Variants in LEF1 observed in about 807,000 individuals in gnomAD.
LEF1 encodes lymphoid enhancer-binding factor 1.
A neutral mutation model predicts 51.2 loss-of-function variants in LEF1; 14 were observed. The observed-to-expected ratio is 0.27, with a 90% CI of 0.18 to 0.43. LEF1 has a LOEUF of 0.43. Ranked by LOEUF, LEF1 falls within the 20% of genes least tolerant of loss-of-function variation. The pLI is 1.00. For synonymous variants in LEF1, 185 were observed against 183.2 expected (o/e 1.01, Z -0.08); for missense variants, 386 against 512.0 (o/e 0.75, Z 2.37).
At chr4:108,090,567 A>G (rs1578330189) in intron 3 of LEF1, among the ~76,000 whole-genome samples, 1 of 152,252 alleles carries the variant, frequency 6.6e-6, no homozygotes, top group South Asian at 2.1e-4. Flanking sequence ...TTTATTTATT[A>G]TTTATTTTTT....
chr4:108,162,656 G>C (rs760567506), intron 3 of LEF1, among the ~76,000 whole-genome samples: 14 of 152,028 alleles, frequency 9.2e-5, no homozygotes, highest in Non-Finnish European at 1.9e-4. Flanking sequence ...CCTAATCCCC[G>C]AGACCCATAG....
intron 3 of LEF1, among the ~76,000 whole-genome samples, chr4:108,093,214 G>A (rs1354615747): frequency 2.6e-5 from 4 of 152,098 alleles, no homozygotes; most frequent in Non-Finnish European, 5.9e-5. Context: ...CTCCAGTAAC[G>A]CAGGGACACT....
intron 3 of LEF1, among the ~76,000 whole-genome samples, chr4:108,108,516 G>A (rs1252017271): frequency 6.6e-6 from 1 of 152,054 alleles, no homozygotes; most frequent in African/African-American, 2.4e-5. Flanking sequence ...CCTTCTGTAT[G>A]TATAAAATAA....
At chr4:108,067,248 A>G (rs933282825) in intron 9 of LEF1, among the ~76,000 whole-genome samples, 1 of 152,218 alleles carries the variant, frequency 6.6e-6, no homozygotes, top group Admixed American at 6.5e-5. Context: ...GATAAATCAC[A>G]TTACAGTAGC....
At chr4:108,049,808 T>C in intron 11 of LEF1, among the ~76,000 whole-genome samples, 1 of 152,238 alleles carries the variant, frequency 6.6e-6, no homozygotes, top group Non-Finnish European at 1.5e-5. Flanking sequence ...AAGGAAACTT[T>C]GACATAGTTT....
chr4:108,131,934 G>A (rs1666793203), intron 3 of LEF1, among the ~76,000 whole-genome samples: 1 of 152,154 alleles, frequency 6.6e-6, no homozygotes, highest in South Asian at 2.1e-4. Context: ...GCAACAAAAT[G>A]CACTGAAGCA....
chr4:108,168,401 G>A lies in LEF1; in HGVS notation c.-634C>T, dbSNP rs1265390635. 1 of 152,338 alleles carries A rather than the reference G, an allele frequency of 6.6e-6. No homozygotes were observed. The highest frequency in any genetic ancestry group is 1.5e-5 in the Non-Finnish European group (1 of 68,128). 9.4% of individuals were successfully genotyped at this position (152,338 alleles called of 1,614,324 possible). On this transcript the variant is annotated 5_prime_UTR_variant, in exon 1 of 12. Transcript: ENST00000265165. The surrounding 1 kb of genome is among the most constrained non-coding windows in gnomAD (Gnocchi z 4.6). ...AAAAGAAAAAGGAGCCACCCACGCT[G>A]GAGATGTCCGTTTTAGATCTTCTTA... is the stretch of plus-strand genomic sequence containing the variant.
At chr4:108,135,038 A>G (rs1224093655) in intron 3 of LEF1, among the ~76,000 whole-genome samples, 1 of 152,244 alleles carries the variant, frequency 6.6e-6, no homozygotes, top group East Asian at 1.9e-4. Flanking sequence ...TGACCAAGTG[A>G]ATTGAGAAGG....
At chr4:108,123,597 G>C (rs373036390) in intron 3 of LEF1, among the ~76,000 whole-genome samples, 3 of 151,912 alleles carry the variant, frequency 2.0e-5, no homozygotes, top group Non-Finnish European at 4.4e-5. Flanking sequence ...TCCGCTCATG[G>C]ATGCATTCAA....
At chr4:108,123,797 G>A (rs1377865045) in intron 3 of LEF1, among the ~76,000 whole-genome samples, 1 of 152,050 alleles carries the variant, frequency 6.6e-6, no homozygotes, top group East Asian at 1.9e-4. Flanking sequence ...TTTTTAAGAT[G>A]CCTAATATCA....
At chr4:108,079,290 G>A (rs904956441) in intron 7 of LEF1, among the ~76,000 whole-genome samples, 3 of 152,306 alleles carry the variant, frequency 2.0e-5, no homozygotes, top group Middle Eastern at 3.4e-3. Flanking sequence ...TAGGGTCCGT[G>A]CTCCTTTGCA....
At chr4:108,074,478 CTT>C (rs1461097533) in intron 8 of LEF1, among the ~76,000 whole-genome samples, 5 of 152,030 alleles carry the variant, frequency 3.3e-5, no homozygotes, top group African/African-American at 9.7e-5. Context: ...AAAAATAAAA[CTT>C]TGATTAATTC....
intron 3 of LEF1, among the ~76,000 whole-genome samples, chr4:108,152,024 A>G (rs562941786): frequency 6.6e-6 from 1 of 152,330 alleles, no homozygotes; most frequent in South Asian, 2.1e-4. Context: ...AAAGAAACTA[A>G]CAATCAATGA....
chr4:108,134,555 C>T (rs971123095), intron 3 of LEF1, among the ~76,000 whole-genome samples: 1 of 152,232 alleles, frequency 6.6e-6, no homozygotes, highest in Non-Finnish European at 1.5e-5. Flanking sequence ...ATGGGCCACA[C>T]AGAGTTATTC....
At chr4:108,141,539 T>A (rs1639992157) in intron 3 of LEF1, among the ~76,000 whole-genome samples, 1 of 152,218 alleles carries the variant, frequency 6.6e-6, no homozygotes, top group African/African-American at 2.4e-5. Flanking sequence ...ACATAATTGT[T>A]TCTGCACAGT....
At chr4:108,095,858 G>A (rs1399657039) in intron 3 of LEF1, among the ~76,000 whole-genome samples, 2 of 152,178 alleles carry the variant, frequency 1.3e-5, no homozygotes, top group Non-Finnish European at 2.9e-5. Context: ...ACTGGAGCCT[G>A]TAAATAGAGG....
chr4:108,088,493 C>T lies in LEF1; in HGVS notation c.547+632G>A, dbSNP rs116326114. 1.8e-3 allele frequency among the ~76,000 whole-genome samples: 274 copies of T among 152,304 alleles called. 2 individuals are homozygous for T. Among genetic ancestry groups the T allele is most frequent in the African/African-American group, 6.2e-3 (257 of 41,570 alleles). ...AGAGCTCTCTGTCCTACTCCCAACTCGTACCCGTACACATCAGGCAGAAAC... is the reference window on the plus strand; with the variant it reads ...AGAGCTCTCTGTCCTACTCCCAACTTGTACCCGTACACATCAGGCAGAAAC... On this transcript the variant is annotated intron_variant, in intron 4 of 11. Transcript: ENST00000265165.
At chr4:108,165,817 TG>T (rs763652818) in intron 1 of LEF1, among the ~76,000 whole-genome samples, 20 of 152,156 alleles carry the variant, frequency 1.3e-4, no homozygotes, top group Non-Finnish European at 2.8e-4. Flanking sequence ...ATATCAGTTT[TG>T]GTAATCACCA....
rs538358106 is a variant in LEF1, at chr4:108,057,091, C to A, written c.*6+6532G>T. Among the ~76,000 whole-genome samples, 3 of 152,146 alleles carry A rather than the reference C, an allele frequency of 2.0e-5. No individual in the cohort carries two copies. The East Asian group carries it at 5.8e-4, about 30-fold the overall frequency. On this transcript the variant is annotated intron_variant, in intron 11 of 11. Coordinates refer to ENST00000265165, the MANE Select transcript of LEF1 (RefSeq NM_016269.5). ...CCCCCTTCCCCTCCCTAGATGCAGG[C>A]TTCCTTCCCAAGAGTTCTGAACCCC...
Sources: gnomAD v4.1 joint callset for allele counts (sites outside exome capture counted in the v4.1 genomes callset) on GRCh38, gnomAD v4.1.1 for gene constraint, Gnocchi (gnomAD v3.1) non-coding constraint, MANE v1.5 for transcripts, NCBI Gene and HGNC (gene_info 2026-07-23, HGNC 2026-07-21) for gene names.